SLC2A14: variants seen among roughly 807,000 people sequenced by gnomAD.
SLC2A14 encodes the protein solute carrier family 2, facilitated glucose transporter member 14.
In SLC2A14, 13 loss-of-function variants were observed where a neutral mutation model predicts 43.0. That is an observed-to-expected ratio of 0.30 (90% confidence interval 0.20 to 0.48). The LOEUF is 0.48. Among genes scored for constraint, SLC2A14 ranks in the 20% least tolerant of loss-of-function variants. The pLI, the probability that SLC2A14 is intolerant of heterozygous loss-of-function variation, is 0.99. For missense variants in SLC2A14, 428 were observed against 620.4 expected (o/e 0.69, Z 3.29); for synonymous variants, 190 against 233.8 (o/e 0.81, Z 1.71).
chr12:7,818,882 C>T (rs1178184058), intron 9 of SLC2A14, among the ~76,000 whole-genome samples: 2 of 151,692 alleles, frequency 1.3e-5, no homozygotes, highest in Non-Finnish European at 2.9e-5. Context: ...TACTGAGACC[C>T]CGTCATCATC....
chr12:7,849,762 G>A (rs1458877026), intron 2 of SLC2A14, among the ~76,000 whole-genome samples: 3 of 151,570 alleles, frequency 2.0e-5, no homozygotes, highest in Non-Finnish European at 4.4e-5. Flanking sequence ...AATTAGCCGG[G>A]TGTGGCGGCG....
upstream of SLC2A14, among the ~76,000 whole-genome samples, chr12:7,874,788 A>AATAT (rs1945394472): frequency 2.0e-5 from 1 of 48,856 alleles, no homozygotes; most frequent in Non-Finnish European, 3.9e-5. Flanking sequence ...TAAATATATA[A>AATAT]ATATATAAAT....
intron 4 of SLC2A14, 43 bp downstream of exon 4, chr12:7,831,561 C>T (rs751912651): frequency 6.2e-7 from 1 of 1,610,136 alleles, no homozygotes; most frequent in African/African-American, 1.3e-5. Flanking sequence ...GTCCCCAATG[C>T]ATCTGGTAGA....
upstream of SLC2A14, among the ~76,000 whole-genome samples, chr12:7,876,643 C>A (rs773532721): frequency 5.0e-4 from 76 of 152,152 alleles, no homozygotes; most frequent in African/African-American, 1.8e-3. Context: ...TAACTGCATC[C>A]CATATTCATT....
At chr12:7,881,608 C>T (rs908082734) in intron 1 of SLC2A14, among the ~76,000 whole-genome samples, 4 of 152,162 alleles carry the variant, frequency 2.6e-5, no homozygotes, top group African/African-American at 9.7e-5. Flanking sequence ...CAAGCGCGGC[C>T]TCCTGCTCCA....
chr12:7,831,306 G>T, intron 4 of SLC2A14: 17 of 250,196 alleles, frequency 6.8e-5, no homozygotes, highest in South Asian at 1.1e-4. Context: ...AATTAAGTAT[G>T]TTCCTGGAAA....
At chr12:7,889,555 G>C (rs1945742607) in intron 1 of SLC2A14, among the ~76,000 whole-genome samples, 1 of 140,116 alleles carries the variant, frequency 7.1e-6, no homozygotes, top group Admixed American at 7.5e-5. Flanking sequence ...TTTTTTTTGA[G>C]ATGGAGTTTT....
intron 5 of SLC2A14, among the ~76,000 whole-genome samples, chr12:7,829,276 A>C (rs1864786882): frequency 6.6e-6 from 1 of 152,066 alleles, no homozygotes. Flanking sequence ...AAAATTTAAA[A>C]ATTGCCGGGC....
chr12:7,873,500 G>T, upstream of SLC2A14: 1 of 269,688 alleles, frequency 3.7e-6, no homozygotes, highest in Non-Finnish European at 5.7e-6. Context: ...AAATTAGGGG[G>T]CTTGGCGGTG....
At chr12:7,880,721 A>C in intron 1 of SLC2A14, among the ~76,000 whole-genome samples, 1 of 139,270 alleles carries the variant, frequency 7.2e-6, no homozygotes, top group Non-Finnish European at 1.5e-5. Flanking sequence ...AAAAGAGAGA[A>C]ATTGGCCGGG....
chr12:7,883,433 A>G (rs1428368837), intron 1 of SLC2A14, among the ~76,000 whole-genome samples: 6 of 149,356 alleles, frequency 4.0e-5, no homozygotes, highest in Non-Finnish European at 7.4e-5. Flanking sequence ...TGCATGGCTG[A>G]TTTTTTGTAT....
chr12:7,871,351 T>C, intron 1 of SLC2A14: 1 of 743,978 alleles, frequency 1.3e-6, no homozygotes, highest in Non-Finnish European at 1.8e-6. Flanking sequence ...TCCTCATACA[T>C]GGCGCCAAGG....
chr12:7,814,154 C>G lies in SLC2A14; in HGVS notation c.*162G>C, dbSNP rs1863232695. 2 of 1,373,764 alleles carry G rather than the reference C, an allele frequency of 1.5e-6. No homozygotes were observed. Among genetic ancestry groups the G allele is most frequent in the South Asian group, 1.5e-5 (1 of 68,424 alleles). 85.1% of individuals were successfully genotyped at this position (1,373,764 alleles called of 1,614,324 possible). On this transcript the variant is annotated 3_prime_UTR_variant, in exon 11 of 11. Transcript: ENST00000431042. ...AAAATTTAAAAAGCCATTGAAGATC[C>G]AACAAACTGCAGCCTTGGGGTGCTC...
chr12:7,863,279 G>A (rs780375724), intron 2 of SLC2A14: 16 of 417,378 alleles, frequency 3.8e-5, no homozygotes, highest in South Asian at 2.0e-4. Flanking sequence ...GCAAGACCAC[G>A]AACCCACCAG....
At chr12:7,820,376 C>T (rs1019505245) in intron 8 of SLC2A14, among the ~76,000 whole-genome samples, 1 of 152,148 alleles carries the variant, frequency 6.6e-6, no homozygotes, top group Non-Finnish European at 1.5e-5. Context: ...TGATCTACAG[C>T]TGGTGAGTCA....
chr12:7,887,208 G>A (rs764340418), intron 1 of SLC2A14, among the ~76,000 whole-genome samples: 5 of 151,990 alleles, frequency 3.3e-5, no homozygotes, highest in East Asian at 1.9e-4. Context: ...CACCGCGCCC[G>A]GCCAAATAAT....
At chr12:7,829,335 G>A (rs1391034598) in intron 5 of SLC2A14, among the ~76,000 whole-genome samples, 1 of 151,936 alleles carries the variant, frequency 6.6e-6, no homozygotes, top group Non-Finnish European at 1.5e-5. Context: ...CGAGGCGGGT[G>A]GATCACCTGA....
intron 2 of SLC2A14, among the ~76,000 whole-genome samples, chr12:7,844,307 G>T (rs988078092): frequency 6.6e-6 from 1 of 152,100 alleles, no homozygotes; most frequent in Non-Finnish European, 1.5e-5. Flanking sequence ...GTACTATGTG[G>T]TGGTGTTGGT....
intron 2 of SLC2A14, among the ~76,000 whole-genome samples, chr12:7,869,579 G>A (rs1435311121): frequency 1.3e-5 from 2 of 152,052 alleles, no homozygotes; most frequent in Non-Finnish European, 2.9e-5. Context: ...TTATTACGGA[G>A]GCCTGTTTGC....
Sources: allele counts gnomAD v4.1 joint callset (sites outside exome capture counted in the v4.1 genomes callset), GRCh38; gene constraint gnomAD v4.1.1; transcripts MANE v1.5; gene names NCBI Gene and HGNC (gene_info 2026-07-23, HGNC 2026-07-21).